Variants in KIF26B observed in about 807,000 individuals in gnomAD.
KIF26B encodes kinesin family member 26B, also known as kinesin-like protein KIF26B.
KIF26B carries 63 observed loss-of-function variants against 151.2 expected under a neutral mutation model. The ratio of observed to expected loss-of-function variants is 0.42; its 90% CI spans 0.34 to 0.51. The LOEUF (loss-of-function observed/expected upper bound fraction) is 0.51, where lower values mean the gene tolerates loss of function less well. KIF26B is among the 20% of genes least tolerant of loss of function. KIF26B has a pLI of 0.07. For missense variants in KIF26B, 2,813 were observed against 2,913.6 expected (o/e 0.97, Z 0.79); for synonymous variants, 1,357 against 1,262.1 (o/e 1.08, Z -1.59).
intron 9 of KIF26B, among the ~76,000 whole-genome samples, chr1:245,644,316 T>G (rs1263167287): frequency 2.6e-5 from 4 of 152,212 alleles, no homozygotes; most frequent in Admixed American, 6.5e-5. Flanking sequence ...ATTGTAGTTT[T>G]TATCTCTAGA....
intron 2 of KIF26B, among the ~76,000 whole-genome samples, chr1:245,289,507 G>C (rs893111233): frequency 2.0e-5 from 3 of 152,156 alleles, no homozygotes. Context: ...AATCAGGAGT[G>C]GTATGCGACA....
intron 4 of KIF26B, among the ~76,000 whole-genome samples, chr1:245,442,786 A>G (rs1659142493): frequency 1.8e-5 from 2 of 111,936 alleles, no homozygotes; most frequent in Admixed American, 1.9e-4. Flanking sequence ...CTGTTCACCT[A>G]CAGCGGTCAT....
intron 2 of KIF26B, among the ~76,000 whole-genome samples, chr1:245,314,716 C>T (rs1186236645): frequency 2.0e-5 from 3 of 152,136 alleles, no homozygotes; most frequent in Non-Finnish European, 2.9e-5. Flanking sequence ...TTGGTGTCAG[C>T]GCCTACCTGT....
chr1:245,279,675 T>C (rs1477907051), intron 2 of KIF26B, among the ~76,000 whole-genome samples: 1 of 152,056 alleles, frequency 6.6e-6, no homozygotes, highest in East Asian at 1.9e-4. Flanking sequence ...TTTTTATCTG[T>C]ATGAAGCAGC....
At chr1:245,528,249 C>T (rs1037179964) in intron 4 of KIF26B, among the ~76,000 whole-genome samples, 8 of 152,120 alleles carry the variant, frequency 5.3e-5, no homozygotes, top group African/African-American at 1.7e-4. Flanking sequence ...CCCAGGGCTC[C>T]GCACAGGCTA....
intron 10 of KIF26B, among the ~76,000 whole-genome samples, chr1:245,649,884 T>A (rs961802880): frequency 1.3e-5 from 2 of 152,218 alleles, no homozygotes; most frequent in African/African-American, 2.4e-5. Context: ...GAGTTTGGAT[T>A]CATTACCCAT....
At chr1:245,420,310 A>C (rs1658454022) in intron 4 of KIF26B, among the ~76,000 whole-genome samples, 1 of 152,224 alleles carries the variant, frequency 6.6e-6, no homozygotes, top group South Asian at 2.1e-4. Flanking sequence ...GTATTTCAAC[A>C]ATGTTTTCTG....
intron 9 of KIF26B, among the ~76,000 whole-genome samples, chr1:245,622,821 G>C (rs796498245): frequency 6.6e-6 from 1 of 152,070 alleles, no homozygotes; most frequent in Non-Finnish European, 1.5e-5. Flanking sequence ...GGATTGAGGC[G>C]GGGGGAAGGG....
intron 2 of KIF26B, among the ~76,000 whole-genome samples, chr1:245,217,683 T>A (rs1669675822): frequency 6.6e-6 from 1 of 152,184 alleles, no homozygotes; most frequent in Admixed American, 6.6e-5. Context: ...TGTTTTATTT[T>A]AATATCACGA....
intron 4 of KIF26B, among the ~76,000 whole-genome samples, chr1:245,449,595 T>C (rs944034407): frequency 4.6e-5 from 7 of 152,184 alleles, no homozygotes; most frequent in African/African-American, 1.4e-4. Context: ...ATCAGTTAAG[T>C]GAATATGAGC....
At chr1:245,399,667 G>C (rs1673945729) in intron 3 of KIF26B, among the ~76,000 whole-genome samples, 1 of 152,092 alleles carries the variant, frequency 6.6e-6, no homozygotes, top group Non-Finnish European at 1.5e-5. Context: ...GAAGCAACAC[G>C]CATGATAATT....
chr1:245,456,683 T>C (rs1298150721), intron 4 of KIF26B, among the ~76,000 whole-genome samples: 3 of 152,222 alleles, frequency 2.0e-5, no homozygotes, highest in Non-Finnish European at 4.4e-5. Context: ...TCTAGGATTC[T>C]ATTATTTTAA....
At chr1:245,389,878 T>G (rs547288249) in intron 3 of KIF26B, among the ~76,000 whole-genome samples, 1 of 152,346 alleles carries the variant, frequency 6.6e-6, no homozygotes, top group African/African-American at 2.4e-5. Flanking sequence ...ATTTTAACAT[T>G]CTTAGGTTGC....
chr1:245,278,824 A>G (rs1670984777), intron 2 of KIF26B, among the ~76,000 whole-genome samples: 1 of 152,154 alleles, frequency 6.6e-6, no homozygotes, highest in South Asian at 2.1e-4. Context: ...AAGTTAGCTC[A>G]TCTTTCTGTT....
chr1:245,511,141 G>GT, intron 4 of KIF26B: 1 of 717,010 alleles, frequency 1.4e-6, no homozygotes, highest in South Asian at 1.5e-5. Flanking sequence ...AAGTAACGCA[G>GT]TTATATATGT....
At chr1:245,587,389 C>T (rs560104363) in intron 5 of KIF26B, among the ~76,000 whole-genome samples, 1 of 152,250 alleles carries the variant, frequency 6.6e-6, no homozygotes, top group East Asian at 1.9e-4. Flanking sequence ...ACCCCAGAGC[C>T]TCGCACAGTA....
intron 10 of KIF26B, among the ~76,000 whole-genome samples, chr1:245,654,017 CG>C (rs1421928463): frequency 6.6e-6 from 1 of 152,108 alleles, no homozygotes; most frequent in Non-Finnish European, 1.5e-5. Context: ...AAGCTATGAT[CG>C]TATCACTGCA....
chr1:245,263,645 A>G (rs922950571), intron 2 of KIF26B, among the ~76,000 whole-genome samples: 2 of 152,198 alleles, frequency 1.3e-5, no homozygotes, highest in Non-Finnish European at 2.9e-5. Context: ...CTAGGAGCTT[A>G]TAGACTATTA....
At chr1:245,238,740 T>C (rs1489924035) in intron 2 of KIF26B, among the ~76,000 whole-genome samples, 1 of 151,972 alleles carries the variant, frequency 6.6e-6, no homozygotes, top group Non-Finnish European at 1.5e-5. Flanking sequence ...CAGGCGCCTG[T>C]AATCTCAGCT....
Sources: gnomAD v4.1 joint callset for allele counts (sites outside exome capture counted in the v4.1 genomes callset) on GRCh38, gnomAD v4.1.1 for gene constraint, MANE v1.5 for transcripts, NCBI Gene and HGNC (gene_info 2026-07-23, HGNC 2026-07-21) for gene names.